Variants in KLHL22 observed in about 807,000 individuals in gnomAD.
KLHL22 encodes kelch like family member 22.
A neutral mutation model predicts 60.7 loss-of-function variants in KLHL22; 18 were observed. The observed-to-expected ratio is 0.30, with a 90% CI of 0.20 to 0.44. KLHL22 has a LOEUF of 0.44. Ranked by LOEUF, KLHL22 falls within the 20% of genes least tolerant of loss-of-function variation. The pLI is 1.00. For missense variants in KLHL22, 596 were observed against 852.3 expected, an observed-to-expected ratio of 0.70 and a Z score of 3.74; for synonymous variants, 355 against 354.5, an observed-to-expected ratio of 1.00 and a Z score of -0.01.
chr22:20,451,354 C>T (rs551247598), intron 5 of KLHL22: 1 of 1,611,730 alleles, frequency 6.2e-7, no homozygotes, highest in Admixed American at 1.7e-5. Context: ...GGGAGATATG[C>T]AGACAGCCCG....
rs530620612 is a variant in KLHL22 at position 20,493,924 on chromosome 22, G to A, written c.-34+1836C>T. On this transcript the variant is annotated intron_variant, in intron 1 of 6. Transcript: ENST00000328879. ...CTAAAAATACAAAAATTAGTGGGGC[G>A]TGGTGGCGCATGCCTGTTATCCCAG... Among the ~76,000 whole-genome samples, 50 of 152,166 alleles carry A rather than the reference G, an allele frequency of 3.3e-4. 1 individual carries two copies. The South Asian group carries it at 0.01, about 31-fold the overall frequency.
At chr22:20,460,956 G>A (rs1271644637) in intron 4 of KLHL22, among the ~76,000 whole-genome samples, 1 of 152,254 alleles carries the variant, frequency 6.6e-6, no homozygotes, top group Non-Finnish European at 1.5e-5. Flanking sequence ...ATCAGGTCAT[G>A]AGGGTGGAGC....
chr22:20,492,612 C>T (rs1210020634), intron 1 of KLHL22, among the ~76,000 whole-genome samples: 13 of 148,710 alleles, frequency 8.7e-5, no homozygotes, highest in Non-Finnish European at 1.6e-4. Context: ...TTTTTTTAGA[C>T]GGAGTCTCGC....
At chr22:20,474,095 G>A (rs2146248212) in intron 2 of KLHL22, among the ~76,000 whole-genome samples, 1 of 152,216 alleles carries the variant, frequency 6.6e-6, no homozygotes, top group Non-Finnish European at 1.5e-5. Context: ...CGCCTCCTGA[G>A]TTCAACTGAT....
chr22:20,463,622 T>A (rs1483342384), intron 4 of KLHL22, among the ~76,000 whole-genome samples: 2 of 152,124 alleles, frequency 1.3e-5, no homozygotes, highest in Non-Finnish European at 2.9e-5. Context: ...AAAAAGAAGG[T>A]TTAAGGTTTG....
In KLHL22 at chr22:20,460,610, C is replaced by CAAAAAAAAAAAAA. The variant is rs60765839; in HGVS notation, c.1113-2623_1113-2611dup. 4.2e-4 allele frequency among the ~76,000 whole-genome samples: 4 copies of CAAAAAAAAAAAAA among 9,446 alleles called. 2 individuals carry two copies. The highest frequency in any genetic ancestry group is 0.012 in the South Asian group (2 of 168). The allele number at this position is 9,446 out of a possible 152,430, so 6.2% of individuals were successfully genotyped here. ...GGCGACAGAGTGAAACTCCATCCCC[C>CAAAAAAAAAAAAA]AAAAAAAAAAAAAAAAAAAAAAAAA... On this transcript the variant is annotated intron_variant, in intron 4 of 6. Transcript: ENST00000328879.
Position 20,471,022 on chromosome 22 carries a change from A to G in KLHL22, c.393+328T>C, listed in dbSNP as rs140718618. Among the ~76,000 whole-genome samples the G allele has an allele frequency of 2.0e-5, 3 of 152,358 alleles. No homozygotes were observed. The East Asian group carries it at 5.8e-4, about 29-fold the overall frequency. ...GATGCTCCCCATTGCCAGACCCCAG[A>G]GCACACAGGACGTCCACATGCAGCC... is the stretch of plus-strand genomic sequence containing the variant. On this transcript the variant is annotated intron_variant, in intron 3 of 6. Transcript: ENST00000328879.
At chr22:20,467,754 G>A (rs1215179297) in intron 3 of KLHL22, among the ~76,000 whole-genome samples, 2 of 152,120 alleles carry the variant, frequency 1.3e-5, no homozygotes, top group African/African-American at 4.8e-5. Context: ...CGCCTCCCGG[G>A]TTCACGCCAT....
In KLHL22 at chr22:20,465,253, C is replaced by G. The variant is rs149268643; in HGVS notation, c.717G>C (p.Lys239Asn). 1 of 1,613,986 alleles carries G rather than the reference C, an allele frequency of 6.2e-7. No homozygotes were observed. The highest frequency in any genetic ancestry group is 1.7e-5 in the Admixed American group (1 of 60,022). Residue 239 changes from lysine to asparagine, a missense_variant, in exon 4 of 7, where the codon AAG (lysine) becomes AAC (asparagine). Lys to Asn is a moderately conservative substitution (Grantham distance 94). Coordinates refer to ENST00000328879, the MANE Select transcript of KLHL22 (RefSeq NM_032775.4). This position sits in a 1 kb window ranked among gnomAD's most constrained non-coding sequence, Gnocchi z 4.9. ...GCGGAAACCGCACTGTCTCAAGGAG[C>G]TTTGGGGGCTCGTGCAGCGAGATCT... ...ADQISLHEPP[K>N]LLETVRFPLM...
intron 3 of KLHL22, among the ~76,000 whole-genome samples, chr22:20,467,483 G>A (rs2053252925): frequency 1.3e-5 from 2 of 152,244 alleles, no homozygotes; most frequent in East Asian, 1.9e-4. Context: ...ATCCCAAAAC[G>A]GCTCCATTTC....
At chr22:20,463,053 CTT>C (rs1319549407) in intron 4 of KLHL22, among the ~76,000 whole-genome samples, 2 of 152,160 alleles carry the variant, frequency 1.3e-5, no homozygotes, top group African/African-American at 4.8e-5. Flanking sequence ...AGAACCAAAT[CTT>C]AGAATATTCA....
intron 5 of KLHL22, among the ~76,000 whole-genome samples, chr22:20,453,282 GTTTTACA>G (rs770670515): frequency 1.5e-4 from 22 of 151,260 alleles, no homozygotes; most frequent in Non-Finnish European, 2.8e-4. Context: ...AAGTTTTATG[GTTTTACA>G]TTTAACTCCA....
chr22:20,474,868 G>A (rs1569138790), intron 2 of KLHL22, among the ~76,000 whole-genome samples: 1 of 152,170 alleles, frequency 6.6e-6, no homozygotes, highest in African/African-American at 2.4e-5. Flanking sequence ...TTTATACTTT[G>A]ATAGTATTGT....
chr22:20,442,720 GCCA>G (rs2052782679), intron 6 of KLHL22, among the ~76,000 whole-genome samples: 3 of 152,192 alleles, frequency 2.0e-5, no homozygotes, highest in Admixed American at 6.5e-5. Context: ...CTTCCTCTAG[GCCA>G]CCCGGCCCTA....
chr22:20,469,924 A>C (rs2053287590), intron 3 of KLHL22, among the ~76,000 whole-genome samples: 1 of 152,100 alleles, frequency 6.6e-6, no homozygotes, highest in Admixed American at 6.6e-5. Context: ...GCTCAAAGGC[A>C]CCTGCAGGCC....
At chr22:20,484,073 G>A in intron 2 of KLHL22, 2 of 980,198 alleles carry the variant, frequency 2.0e-6, no homozygotes, top group Non-Finnish European at 3.2e-6. Context: ...ACCAGTAGTT[G>A]GTGGAGAAGG....
chr22:20,447,398 T>G (rs1037115343), intron 5 of KLHL22, among the ~76,000 whole-genome samples: 3 of 152,188 alleles, frequency 2.0e-5, no homozygotes, highest in Non-Finnish European at 4.4e-5. Context: ...GCTATGTTAC[T>G]GGGCAAGTCA....
chr22:20,472,211 C>T (rs1242955076), intron 2 of KLHL22, among the ~76,000 whole-genome samples: 3 of 152,196 alleles, frequency 2.0e-5, no homozygotes, highest in Non-Finnish European at 1.5e-5. Context: ...TGCACCACTG[C>T]ACTCCAGCCT....
intron 2 of KLHL22, chr22:20,483,254 GCA>G (rs372603303): frequency 4.3e-6 from 3 of 695,844 alleles, no homozygotes; most frequent in African/African-American, 3.5e-5. Context: ...TCAGTGGACT[GCA>G]TGGTGACCAC....
Sources: gnomAD v4.1 joint callset for allele counts (sites outside exome capture counted in the v4.1 genomes callset) on GRCh38, gnomAD v4.1.1 for gene constraint, Gnocchi (gnomAD v3.1) non-coding constraint, MANE v1.5 for transcripts, NCBI Gene and HGNC (gene_info 2026-07-23, HGNC 2026-07-21) for gene names.